Variants in LRIF1 observed in about 807,000 individuals in gnomAD.
LRIF1 encodes the protein ligand dependent nuclear receptor interacting factor 1.
Under a neutral mutation model 52.7 loss-of-function variants are expected in LRIF1, and 32 were observed. That is an observed-to-expected ratio of 0.61 (90% CI 0.46 to 0.82). LRIF1 has a LOEUF of 0.82. Ranked by LOEUF, LRIF1 falls within the 40% of genes least tolerant of loss-of-function variation. LRIF1 has a pLI of 0.00. For missense variants in LRIF1, 887 were observed against 892.0 expected, an observed-to-expected ratio of 0.99 and a Z score of 0.07; for synonymous variants, 323 against 317.4, an observed-to-expected ratio of 1.02 and a Z score of -0.19.
At chr1:110,931,293 G>A in the LRIF1 span, among the ~76,000 whole-genome samples, 1 of 152,060 alleles carries the variant, frequency 6.6e-6, no homozygotes, top group Non-Finnish European at 1.5e-5. Context: ...CTTCATCCAT[G>A]TTCCTGCAAA....
the LRIF1 span, among the ~76,000 whole-genome samples, chr1:110,926,168 T>A: frequency 1.3e-5 from 2 of 152,032 alleles, no homozygotes; most frequent in African/African-American, 2.4e-5. Flanking sequence ...ATATGGAAAT[T>A]CAAAGAACTG....
the LRIF1 span, chr1:110,891,344 C>T: frequency 2.4e-6 from 3 of 1,242,386 alleles, no homozygotes; most frequent in Non-Finnish European, 3.6e-6. Context: ...TGATCTCTGG[C>T]TACCTTACAG....
At chr1:110,894,470 T>C in the LRIF1 span, 1 of 1,140,100 alleles carries the variant, frequency 8.8e-7, no homozygotes, top group South Asian at 1.2e-5. Flanking sequence ...GAGAAGTTGG[T>C]ACAAAGTTAC....
rs377569630 is a variant in LRIF1 at position 110,947,940 on chromosome 1, G to T, written c.*19C>A. On this transcript the variant is annotated 3_prime_UTR_variant, in exon 4 of 4. Transcript: ENST00000369763. The stretch of plus-strand genomic sequence containing the variant: ...TATTTTAAAAAACAGCTATTTCACT[G>T]AAGTCTTTACAGGAGATTTTATTTT... 1.9e-6 allele frequency: 3 copies of T among 1,551,584 alleles called. No individual in the cohort carries two copies. The highest frequency in any genetic ancestry group is 2.6e-6 in the Non-Finnish European group (3 of 1,153,228).
At chr1:110,892,439 G>A in the LRIF1 span, 5 of 1,613,858 alleles carry the variant, frequency 3.1e-6, no homozygotes, top group African/African-American at 1.3e-5. Flanking sequence ...CTCACGCTGG[G>A]CAATGTGTTT....
At chr1:110,950,303 A>C (rs1206181613) in intron 2 of LRIF1, among the ~76,000 whole-genome samples, 180 bp from the exon 3 acceptor site, 1 of 152,242 alleles carries the variant, frequency 6.6e-6, no homozygotes, top group African/African-American at 2.4e-5. Context: ...GTACAAACTT[A>C]AAATATTCCC....
intron 3 of LRIF1, 67 bp from the exon 4 acceptor site, chr1:110,948,466 A>G: frequency 6.7e-7 from 1 of 1,498,710 alleles, no homozygotes; most frequent in Non-Finnish European, 8.9e-7. Context: ...GGGTACTACC[A>G]AACTTAACAA....
chr1:110,888,606 C>T, the LRIF1 span, among the ~76,000 whole-genome samples: 4 of 151,882 alleles, frequency 2.6e-5, no homozygotes, highest in African/African-American at 9.7e-5. Context: ...GCACATTTCC[C>T]AAATATATGA....
rs1214338287 is a variant in LRIF1 at position 110,952,794 on chromosome 1, T to C, written c.90A>G (p.Gln30=). The change falls in exon 2 of 4, where the codon CAA becomes CAG. Residue 30 remains glutamine (Q), a synonymous_variant. Coordinates refer to ENST00000369763, the MANE Select transcript of LRIF1 (RefSeq NM_018372.4). ...ASRCVSGCMY[Q]VVQTIGSDGK... is the part of the protein sequence containing the mutation. ...CATCCGAGCCAATCGTCTGAACTACTTGGTACATGCAGCCTGAAACACTTA... is the reference window on the plus strand; with the variant it reads ...CATCCGAGCCAATCGTCTGAACTACCTGGTACATGCAGCCTGAAACACTTA... 1 of 1,605,764 alleles carries C rather than the reference T, an allele frequency of 6.2e-7. No homozygotes were observed. Among genetic ancestry groups the C allele is most frequent in the African/African-American group, 1.3e-5 (1 of 74,746 alleles).
At chr1:110,949,155 G>C (rs1570938935) in intron 3 of LRIF1, among the ~76,000 whole-genome samples, 1 of 151,752 alleles carries the variant, frequency 6.6e-6, no homozygotes, top group African/African-American at 2.4e-5. Context: ...GTTTCGTTCT[G>C]TTGCCAGACT....
intron 1 of LRIF1, 35 bp downstream of exon 1, chr1:110,963,586 G>A (rs963903602): frequency 3.8e-6 from 6 of 1,576,492 alleles, no homozygotes; most frequent in Non-Finnish European, 5.2e-6. Context: ...CGGACAGAGG[G>A]GCAGCCGTGG....
chr1:110,884,029 C>T, the LRIF1 span, among the ~76,000 whole-genome samples: 1 of 151,822 alleles, frequency 6.6e-6, no homozygotes, highest in Non-Finnish European at 1.5e-5. Context: ...CAGTGCTTAT[C>T]TTCATTATCT....
the LRIF1 span, chr1:110,939,619 T>C: frequency 1.3e-5 from 2 of 152,242 alleles, no homozygotes; most frequent in South Asian, 2.1e-4. Context: ...CAAAACAGCA[T>C]GGCATTGGCA....
rs1445843476 is a variant in LRIF1 at position 110,947,720 on chromosome 1, T to G, written c.*239A>C. 4.6e-5 allele frequency: 16 copies of G among 348,730 alleles called. No individual in the cohort carries two copies. The allele number at this position is 348,730 out of a possible 1,614,324, so 21.6% of individuals were successfully genotyped here. On this transcript the variant is annotated 3_prime_UTR_variant, in exon 4 of 4. Coordinates refer to ENST00000369763, the MANE Select transcript of LRIF1 (RefSeq NM_018372.4). ...AATTCTAGTTAAAATAATAGAAAAA[T>G]ATAAAATTTATCCTTCCAAAAAAAG...
At chr1:110,911,807 C>G in the LRIF1 span, among the ~76,000 whole-genome samples, 2 of 152,118 alleles carry the variant, frequency 1.3e-5, no homozygotes, top group African/African-American at 4.8e-5. Context: ...AATTAACACC[C>G]CTTCATATTA....
chr1:110,959,533 T>C (rs1368305265), intron 1 of LRIF1, among the ~76,000 whole-genome samples: 2 of 151,736 alleles, frequency 1.3e-5, no homozygotes, highest in Admixed American at 6.6e-5. Context: ...GGGCGGATCA[T>C]GAGGTCAAGA....
At chr1:110,901,164 G>T in the LRIF1 span, among the ~76,000 whole-genome samples, 62,378 of 151,056 alleles carry the variant, frequency 0.41, 14,553 homozygotes, top group Admixed American at 0.55. Flanking sequence ...TTTTTTGTTT[G>T]TTTTTTGTTT....
downstream of LRIF1, chr1:110,945,284 ATAAGG>A (rs1658179215): frequency 6.6e-6 from 1 of 152,222 alleles, no homozygotes; most frequent in Non-Finnish European, 1.5e-5. Flanking sequence ...GAAAGGATAT[ATAAGG>A]TATTAGTGGT....
At chr1:110,943,750 T>C (rs577844392), downstream of LRIF1, 73 of 152,318 alleles carry the variant, frequency 4.8e-4, no homozygotes, top group African/African-American at 1.7e-3. Context: ...TTAGAACCTT[T>C]AAGTTTGCTG....
Sources: allele counts gnomAD v4.1 joint callset (sites outside exome capture counted in the v4.1 genomes callset), GRCh38; gene constraint gnomAD v4.1.1; transcripts MANE v1.5; gene names NCBI Gene and HGNC (gene_info 2026-07-23, HGNC 2026-07-21).